CD200: variants seen among roughly 807,000 people sequenced by gnomAD.
CD200 encodes the protein CD200 molecule.
In CD200, 15 loss-of-function variants were observed where a neutral mutation model predicts 30.9. That is an observed-to-expected ratio of 0.49 (90% confidence interval 0.32 to 0.75). The LOEUF (loss-of-function observed/expected upper bound fraction) is 0.75. Ranked by LOEUF, CD200 falls within the 30% of genes least tolerant of loss-of-function variation. The pLI is 0.03. For synonymous variants in CD200, 134 were observed against 126.2 expected (o/e 1.06, Z -0.41); for missense variants, 262 against 324.2 (o/e 0.81, Z 1.47).
chr3:112,343,518 G>A (rs1024627612), intron 2 of CD200, among the ~76,000 whole-genome samples: 7 of 152,136 alleles, frequency 4.6e-5, no homozygotes, highest in African/African-American at 1.4e-4. Flanking sequence ...TGCCCACGCT[G>A]ATCTTGAACT....
In CD200 at chr3:112,345,297, C is replaced by T. The variant is rs1328183560; in HGVS notation, c.421+9C>T. On this transcript the variant is annotated intron_variant, in intron 3 of 5. Transcript: ENST00000315711. Reference sequence around the variant, plus strand: ...CTGCCTCACCGTCTATGGTGAGAATCTCTGAGAATCATTGTCTGTGTCTGG... The same window carrying T: ...CTGCCTCACCGTCTATGGTGAGAATTTCTGAGAATCATTGTCTGTGTCTGG... 8.8e-6 allele frequency: 14 copies of T among 1,594,868 alleles called. No homozygotes were observed. The highest frequency in any genetic ancestry group is 1.3e-5 in the African/African-American group (1 of 74,480).
chr3:112,358,642 T>A (rs970016471), intron 5 of CD200, among the ~76,000 whole-genome samples: 4 of 152,150 alleles, frequency 2.6e-5, no homozygotes, highest in Non-Finnish European at 5.9e-5. Context: ...TCCAGGAAAC[T>A]AAACTGCCGC....
chr3:112,357,971 A>G (rs1394639593), intron 5 of CD200, among the ~76,000 whole-genome samples: 2 of 152,206 alleles, frequency 1.3e-5, no homozygotes, highest in East Asian at 1.9e-4. Flanking sequence ...TATTCACTCA[A>G]TGATTTCAGT....
At chr3:112,342,326 TTTCTTTCTTTCCTTC>T in intron 2 of CD200, among the ~76,000 whole-genome samples, 1 of 32,192 alleles carries the variant, frequency 3.1e-5, no homozygotes, top group East Asian at 8.0e-4. Context: ...TCTTTCTTTC[TTTCTTTCTTTCCTTC>T]TTTCTTTCTT....
intron 2 of CD200, 118 bp downstream of exon 2, chr3:112,341,101 C>A: frequency 1.6e-6 from 1 of 628,974 alleles, no homozygotes; most frequent in Non-Finnish European, 2.8e-6. Context: ...ATTATTTAAG[C>A]ATGTAATCTG....
Position 112,337,373 on chromosome 3 carries a change from G to A in CD200, c.13-3529G>A, listed in dbSNP as rs985097754. ...ACCTTACATAAATACAAGTGAGGGG[G>A]AAGACATTTCATGTAGGAGGAATGG... On this transcript the variant is annotated intron_variant, in intron 1 of 5. Transcript: ENST00000315711. 2.6e-5 allele frequency among the ~76,000 whole-genome samples: 4 copies of A among 152,146 alleles called. No homozygotes were observed. The South Asian group carries it at 8.3e-4, about 32-fold the overall frequency.
chr3:112,352,040 C>T (rs1345409786), intron 5 of CD200, among the ~76,000 whole-genome samples: 2 of 152,160 alleles, frequency 1.3e-5, no homozygotes, highest in African/African-American at 2.4e-5. Context: ...CCTCTAACAC[C>T]GGGGATCAGA....
intron 5 of CD200, among the ~76,000 whole-genome samples, chr3:112,356,231 A>G (rs1354743982): frequency 1.3e-5 from 2 of 152,222 alleles, no homozygotes; most frequent in African/African-American, 4.8e-5. Flanking sequence ...TACAATAAAG[A>G]GAAATGCTAG....
At chr3:112,354,149 C>T (rs992544279) in intron 5 of CD200, among the ~76,000 whole-genome samples, 1 of 152,160 alleles carries the variant, frequency 6.6e-6, no homozygotes, top group Non-Finnish European at 1.5e-5. Flanking sequence ...TCTAAACCCA[C>T]ATGGGCATAG....
At position 112,345,256 on chromosome 3, in the gene CD200, A is replaced by G. The variant is rs1185090413; in HGVS notation, c.389A>G (p.Lys130Arg). The G allele has an allele frequency of 6.2e-7, 1 of 1,613,966 alleles. No individual in the cohort carries two copies. The highest frequency in any genetic ancestry group is 1.1e-5 in the South Asian group (1 of 91,068). Residue 130 changes from lysine (K) to arginine (R), a missense_variant, in exon 3 of 6, where the codon AAG becomes AGG. Coordinates refer to ENST00000315711, the MANE Select transcript of CD200 (RefSeq NM_005944.7). ...MCLFNTFGFG[K>R]ISGTACLTVY... Reference sequence around the variant, plus strand: ...CTCTTCAATACCTTTGGTTTTGGGAAGATCTCAGGAACGGCCTGCCTCACC... The same window carrying G: ...CTCTTCAATACCTTTGGTTTTGGGAGGATCTCAGGAACGGCCTGCCTCACC...
At chr3:112,346,615 G>A (rs2081401029) in intron 3 of CD200, among the ~76,000 whole-genome samples, 1 of 152,074 alleles carries the variant, frequency 6.6e-6, no homozygotes, top group Non-Finnish European at 1.5e-5. Context: ...ACAGACATTA[G>A]TAATCTTAGC....
intron 4 of CD200, 68 bp downstream of exon 4, chr3:112,347,898 C>A: frequency 7.1e-7 from 1 of 1,399,980 alleles, no homozygotes; most frequent in Non-Finnish European, 9.9e-7. Context: ...CAGTGAATGT[C>A]CTGCAGAGGT....
At chr3:112,356,047 G>T (rs902134710) in intron 5 of CD200, among the ~76,000 whole-genome samples, 1 of 152,120 alleles carries the variant, frequency 6.6e-6, no homozygotes, top group East Asian at 1.9e-4. Flanking sequence ...GTTAAGTTCC[G>T]CATTTCATGA....
intron 1 of CD200, chr3:112,336,108 G>T: frequency 1.2e-6 from 1 of 856,298 alleles, no homozygotes. Flanking sequence ...ATTAATGTTT[G>T]TGAAACACCT....
Position 112,338,909 on chromosome 3 carries a change from C to A in CD200, c.13-1993C>A, listed in dbSNP as rs1487654145. ...GAAACCAGACTGCCTGGGCTTAAAT[C>A]CCTTCTCTGTCACTTCACAGCTGTG... On this transcript the variant is annotated intron_variant, in intron 1 of 5. Coordinates refer to ENST00000315711, the MANE Select transcript of CD200 (RefSeq NM_005944.7). Among the ~76,000 whole-genome samples, 4 of 152,158 alleles carry A rather than the reference C, an allele frequency of 2.6e-5. No individual in the cohort carries two copies. In the East Asian group the frequency reaches 7.7e-4, roughly 29 times the overall value.
At chr3:112,346,885 AG>A (rs2081408380) in intron 3 of CD200, among the ~76,000 whole-genome samples, 1 of 152,218 alleles carries the variant, frequency 6.6e-6, no homozygotes, top group Non-Finnish European at 1.5e-5. Flanking sequence ...CTCATGAGCT[AG>A]TTAGTTTTTC....
chr3:112,342,866 C>T lies in CD200; in HGVS notation c.94+1883C>T, dbSNP rs145079485. Among the ~76,000 whole-genome samples, 529 of 152,186 alleles carry T rather than the reference C, an allele frequency of 3.5e-3. 3 individuals are homozygous for T. Among genetic ancestry groups the T allele is most frequent in the East Asian group, 0.016 (82 of 5,184 alleles). On this transcript the variant is annotated intron_variant, in intron 2 of 5. Coordinates refer to ENST00000315711, the MANE Select transcript of CD200 (RefSeq NM_005944.7). ...ATTTCTAATTTTATTGTATTATGAA[C>T]GGTGTTCAAGGCCATACGTAGGGTA...
At chr3:112,340,692 AGCCAC>A (rs1214866740) in intron 1 of CD200, among the ~76,000 whole-genome samples, 1 of 152,182 alleles carries the variant, frequency 6.6e-6, no homozygotes, top group Admixed American at 6.5e-5. Context: ...ATTGTGTTGA[AGCCAC>A]GCTGCTGCTT....
At chr3:112,350,250 T>C (rs539602706) in intron 5 of CD200, among the ~76,000 whole-genome samples, 1 of 152,320 alleles carries the variant, frequency 6.6e-6, no homozygotes, top group African/African-American at 2.4e-5. Flanking sequence ...CCACGATGCC[T>C]CAAACACTGT....
Sources: gnomAD v4.1 joint callset for allele counts (sites outside exome capture counted in the v4.1 genomes callset) on GRCh38, gnomAD v4.1.1 for gene constraint, MANE v1.5 for transcripts, NCBI Gene and HGNC (gene_info 2026-07-23, HGNC 2026-07-21) for gene names.